EBF1: variants seen among roughly 807,000 people sequenced by gnomAD.
The protein encoded by EBF1 is EBF transcription factor 1.
EBF1 carries 10 observed loss-of-function variants against 68.4 expected under a neutral mutation model. That is an observed-to-expected ratio of 0.15 (90% CI 0.09 to 0.25). The LOEUF (loss-of-function observed/expected upper bound fraction) is 0.25, where lower values mean the gene tolerates loss of function less well. EBF1 is among the 10% of genes least tolerant of loss of function. The probability of loss-of-function intolerance (pLI) is 1.00; values close to 1 mark genes in which losing one functional copy is unlikely to be tolerated. For missense variants in EBF1, 509 were observed against 794.4 expected (o/e 0.64, Z 4.32); for synonymous variants, 298 against 299.8 (o/e 0.99, Z 0.06).
chr5:159,065,050 G>A (rs895127622), intron 6 of EBF1, among the ~76,000 whole-genome samples: 1 of 151,678 alleles, frequency 6.6e-6, no homozygotes, highest in South Asian at 2.1e-4. Flanking sequence ...AGCCAATAGT[G>A]CACCCAAGAG....
chr5:158,989,849 T>C (rs1315785469), intron 6 of EBF1, among the ~76,000 whole-genome samples: 1 of 152,112 alleles, frequency 6.6e-6, no homozygotes, highest in African/African-American at 2.4e-5. Context: ...CTGCCTGACC[T>C]CCCCTGCTAA....
intron 6 of EBF1, among the ~76,000 whole-genome samples, chr5:158,852,927 A>G (rs2128002913): frequency 6.6e-6 from 1 of 152,278 alleles, no homozygotes; most frequent in South Asian, 2.1e-4. Context: ...AAAAGCTTTC[A>G]TTTTATCACA....
chr5:158,860,068 C>CAAT (rs759610616), intron 6 of EBF1, among the ~76,000 whole-genome samples: 27 of 152,224 alleles, frequency 1.8e-4, no homozygotes, highest in Non-Finnish European at 3.7e-4. Flanking sequence ...TTGATGGATA[C>CAAT]ACTTCCACAG....
chr5:158,725,814 G>T (rs965441336), intron 11 of EBF1, among the ~76,000 whole-genome samples: 2 of 152,146 alleles, frequency 1.3e-5, no homozygotes, highest in Admixed American at 1.3e-4. Flanking sequence ...TGTTTGGGAT[G>T]GTTGTTTTCC....
At chr5:158,919,355 G>A (rs1209539785) in intron 6 of EBF1, among the ~76,000 whole-genome samples, 1 of 152,012 alleles carries the variant, frequency 6.6e-6, no homozygotes, top group African/African-American at 2.4e-5. Flanking sequence ...TCCCCGGAGA[G>A]GGTTATCTCA....
At position 159,095,490 on chromosome 5, in the gene EBF1, T is replaced by G; in HGVS notation, c.411+130A>C. ...ATGGACACTGGAAGGCCGTGCAAGT[T>G]TGGTCTGAGCCGCCCCCGCTGGCTT... On this transcript the variant is annotated intron_variant, in intron 4 of 15. Coordinates refer to ENST00000313708, the MANE Select transcript of EBF1 (RefSeq NM_024007.5). The G allele has an allele frequency of 3.0e-6, 3 of 1,005,416 alleles. No homozygotes were observed. The South Asian group carries it at 4.8e-5, about 16-fold the overall frequency. 62.3% of individuals were successfully genotyped at this position (1,005,416 alleles called of 1,614,324 possible). A position where few individuals can be genotyped will look rare whatever the true frequency, so the allele number is the denominator to read the frequency against.
intron 6 of EBF1, among the ~76,000 whole-genome samples, chr5:158,918,406 C>T (rs1051168753): frequency 6.6e-6 from 1 of 152,192 alleles, no homozygotes; most frequent in Non-Finnish European, 1.5e-5. Context: ...GACATCAACT[C>T]TAATGAGGTG....
At chr5:158,753,033 A>G (rs72810380) in intron 10 of EBF1, among the ~76,000 whole-genome samples, 20,461 of 152,114 alleles carry the variant, frequency 0.13, 1,592 homozygotes, top group Non-Finnish European at 0.17. Flanking sequence ...CGCTCGCTCA[A>G]CACCGCAAAA....
At chr5:158,808,452 C>T (rs955153903) in intron 8 of EBF1, among the ~76,000 whole-genome samples, 1 of 152,138 alleles carries the variant, frequency 6.6e-6, no homozygotes, top group East Asian at 1.9e-4. Context: ...CTGGCCCATT[C>T]TCCCTTTCTA....
At chr5:158,954,892 A>G (rs1816751980) in intron 6 of EBF1, among the ~76,000 whole-genome samples, 1 of 152,244 alleles carries the variant, frequency 6.6e-6, no homozygotes, top group Non-Finnish European at 1.5e-5. Flanking sequence ...TACGGAGCCA[A>G]GCAAAGTGTG....
intron 8 of EBF1, among the ~76,000 whole-genome samples, chr5:158,803,129 T>A (rs1313267358): frequency 6.6e-6 from 1 of 152,086 alleles, no homozygotes; most frequent in Admixed American, 6.6e-5. Flanking sequence ...TGTCCCAAAT[T>A]TTTGAGACTT....
chr5:159,081,326 T>C lies in EBF1; in HGVS notation c.485+3340A>G, dbSNP rs528776204. The stretch of plus-strand genomic sequence containing the variant: ...ATACAGTTTGTTTTCATGGTTGTTC[T>C]ATTTTATTACTAATTGTTGTTCATC... On this transcript the variant is annotated intron_variant, in intron 5 of 15. Transcript: ENST00000313708. 2.0e-5 allele frequency among the ~76,000 whole-genome samples: 3 copies of C among 152,374 alleles called. No homozygotes were observed. In the South Asian group the frequency reaches 6.2e-4, roughly 32 times the overall value.
At chr5:158,761,863 T>G (rs752074881) in intron 10 of EBF1, among the ~76,000 whole-genome samples, 1 of 152,222 alleles carries the variant, frequency 6.6e-6, no homozygotes, top group Non-Finnish European at 1.5e-5. Flanking sequence ...TTTATAATTT[T>G]ATACGGGCTC....
intron 6 of EBF1, among the ~76,000 whole-genome samples, chr5:158,842,314 G>A (rs1199306226): frequency 6.6e-6 from 1 of 152,168 alleles, no homozygotes; most frequent in Non-Finnish European, 1.5e-5. Context: ...TGTGATCCTT[G>A]AATCTTGCTA....
intron 6 of EBF1, among the ~76,000 whole-genome samples, chr5:158,869,627 G>GTTTGT (rs1246041357): frequency 1.3e-3 from 193 of 147,294 alleles, no homozygotes; most frequent in African/African-American, 4.7e-3. Context: ...ACGTTTTGTT[G>GTTTGT]TTTGTTTTGT....
At chr5:159,081,099 GC>G (rs1210288155) in intron 5 of EBF1, among the ~76,000 whole-genome samples, 1 of 152,256 alleles carries the variant, frequency 6.6e-6, no homozygotes, top group Non-Finnish European at 1.5e-5. Flanking sequence ...TCCCACCTCA[GC>G]CCCCTGAGTA....
intron 5 of EBF1, among the ~76,000 whole-genome samples, chr5:159,083,049 T>C (rs976759266): frequency 6.6e-6 from 1 of 152,212 alleles, no homozygotes; most frequent in Non-Finnish European, 1.5e-5. Context: ...TCTAGCATAG[T>C]CTAAACATGT....
intron 10 of EBF1, among the ~76,000 whole-genome samples, chr5:158,737,904 A>G (rs1426069953): frequency 6.6e-6 from 1 of 152,238 alleles, no homozygotes; most frequent in African/African-American, 2.4e-5. Context: ...TTGGAAATTA[A>G]CAATTCTTGG....
chr5:158,881,402 T>C (rs1277271674), intron 6 of EBF1, among the ~76,000 whole-genome samples: 3 of 152,196 alleles, frequency 2.0e-5, no homozygotes, highest in Non-Finnish European at 4.4e-5. Flanking sequence ...TTCTCTTTTT[T>C]AGCAACGCAG....
Sources: allele counts gnomAD v4.1 joint callset (sites outside exome capture counted in the v4.1 genomes callset), GRCh38; gene constraint gnomAD v4.1.1; transcripts MANE v1.5; gene names NCBI Gene and HGNC (gene_info 2026-07-23, HGNC 2026-07-21).